The following DLGAP2 variants were observed in gnomAD, a reference collection of about 807,000 sequenced individuals.
DLGAP2 encodes the protein disks large-associated protein 2.
A neutral mutation model predicts 100.3 loss-of-function variants in DLGAP2; 26 were observed. The ratio of observed to expected loss-of-function variants is 0.26; its 90% CI spans 0.19 to 0.36. The LOEUF (loss-of-function observed/expected upper bound fraction) is 0.36. Ranked by LOEUF, DLGAP2 falls within the 10% of genes least tolerant of loss-of-function variation. The pLI is 1.00. For synonymous variants in DLGAP2, 886 were observed against 630.1 expected (o/e 1.41, Z -6.08); for missense variants, 1,858 against 1,453.2 (o/e 1.28, Z -4.53).
At chr8:936,474 C>G (rs1213122229) in intron 2 of DLGAP2, among the ~76,000 whole-genome samples, 1 of 152,194 alleles carries the variant, frequency 6.6e-6, no homozygotes, top group East Asian at 1.9e-4. Flanking sequence ...AGCCGCCTCT[C>G]CCTCTCAGAG....
intron 2 of DLGAP2, among the ~76,000 whole-genome samples, chr8:1,219,955 A>G (rs1798284889): frequency 6.6e-6 from 1 of 151,978 alleles, no homozygotes; most frequent in African/African-American, 2.4e-5. Context: ...AATCAACAGT[A>G]ATATCCCCTT....
intron 8 of DLGAP2, among the ~76,000 whole-genome samples, chr8:1,634,771 G>A (rs887986415): frequency 2.0e-5 from 3 of 152,174 alleles, no homozygotes; most frequent in Non-Finnish European, 4.4e-5. Flanking sequence ...ATTGTTTTTA[G>A]GACTGTCATT....
At chr8:1,086,249 A>AT (rs928565176) in intron 2 of DLGAP2, among the ~76,000 whole-genome samples, 38 of 152,166 alleles carry the variant, frequency 2.5e-4, no homozygotes, top group Non-Finnish European at 4.4e-4. Context: ...TATGTTTTTC[A>AT]TTTTTTTCTG....
At chr8:1,480,586 A>G (rs562234792) in intron 3 of DLGAP2, among the ~76,000 whole-genome samples, 2 of 152,288 alleles carry the variant, frequency 1.3e-5, no homozygotes, top group African/African-American at 4.8e-5. Flanking sequence ...GCAGTGGCTC[A>G]CACCTGTAAT....
At position 1,407,307 on chromosome 8, in the gene DLGAP2, T is replaced by A. The variant is rs370327908; in HGVS notation, c.107-94059T>A. Among the ~76,000 whole-genome samples, 53 of 19,648 alleles carry A rather than the reference T, an allele frequency of 2.7e-3. 2 individuals are homozygous for A. Among genetic ancestry groups the A allele is most frequent in the African/African-American group, 9.8e-3 (16 of 1,640 alleles). 12.9% of individuals were successfully genotyped at this position (19,648 alleles called of 152,430 possible). A position where few individuals can be genotyped will look rare whatever the true frequency, so the allele number is the denominator to read the frequency against. On this transcript the variant is annotated intron_variant, in intron 3 of 14. Transcript: ENST00000637795. ...TCATCCTCCAGAGTCGTGTATTGAG[T>A]GCTTACTGAGCGCTCCCTCCTTGTC...
chr8:1,577,567 CAAAAAAAAA>C (rs10646663), intron 6 of DLGAP2, among the ~76,000 whole-genome samples: 5 of 105,820 alleles, frequency 4.7e-5, no homozygotes, highest in African/African-American at 2.0e-4. Context: ...CACTCTCTCT[CAAAAAAAAA>C]AAAAAAAAAA....
intron 3 of DLGAP2, among the ~76,000 whole-genome samples, chr8:1,360,217 G>C (rs1563104608): frequency 7.1e-6 from 1 of 140,054 alleles, no homozygotes; most frequent in African/African-American, 2.6e-5. Flanking sequence ...GGCTTTTCCG[G>C]GGCGGGGCTT....
intron 2 of DLGAP2, among the ~76,000 whole-genome samples, chr8:959,238 G>C (rs959437006): frequency 6.6e-6 from 1 of 152,226 alleles, no homozygotes; most frequent in Non-Finnish European, 1.5e-5. Context: ...GGAAAGAAGA[G>C]TTGTGTAAGT....
intron 2 of DLGAP2, chr8:927,072 C>G: frequency 1.0e-6 from 1 of 985,406 alleles, no homozygotes; most frequent in African/African-American, 1.7e-5. Flanking sequence ...GGGAGAGATC[C>G]TCGTGGGAGG....
intron 2 of DLGAP2, among the ~76,000 whole-genome samples, chr8:1,017,989 C>A (rs1285658851): frequency 6.6e-6 from 1 of 152,212 alleles, no homozygotes; most frequent in South Asian, 2.1e-4. Flanking sequence ...TACCCCACAA[C>A]CTGAACTATT....
chr8:1,664,547 T>A (rs1275404697), intron 8 of DLGAP2, among the ~76,000 whole-genome samples: 1 of 152,156 alleles, frequency 6.6e-6, no homozygotes, highest in Non-Finnish European at 1.5e-5. Flanking sequence ...CAATGTTGTA[T>A]CCACCAGTGA....
In DLGAP2 at chr8:1,549,400, A is replaced by T. The variant is rs751225110; in HGVS notation, c.947A>T (p.Asn316Ile). The change falls in exon 5 of 15, where the codon AAC (asparagine) becomes ATC (isoleucine). Residue 316 changes from asparagine to isoleucine, a missense_variant. Coordinates refer to ENST00000637795, the MANE Select transcript of DLGAP2 (RefSeq NM_001346810.2). ...DSTYRTPSVL[N>I]RHHLGPVAHC... ...ACCTATCGGACGCCCAGCGTGCTCA[A>T]CCGGCACCACCTGGGCCCCGTGGCC... is the stretch of plus-strand genomic sequence containing the variant. 1.2e-6 allele frequency: 2 copies of T among 1,613,404 alleles called. No individual in the cohort carries two copies. Among genetic ancestry groups the T allele is most frequent in the East Asian group, 2.2e-5 (1 of 44,852 alleles).
At chr8:1,131,166 C>G (rs1003017906) in intron 2 of DLGAP2, among the ~76,000 whole-genome samples, 1 of 152,208 alleles carries the variant, frequency 6.6e-6, no homozygotes, top group Non-Finnish European at 1.5e-5. Flanking sequence ...TTCTCTGGAT[C>G]TTTCAGCTGC....
At chr8:1,365,412 A>T (rs888967273) in intron 3 of DLGAP2, among the ~76,000 whole-genome samples, 4 of 152,112 alleles carry the variant, frequency 2.6e-5, no homozygotes, top group Admixed American at 6.5e-5. Flanking sequence ...CTCCTCTCCA[A>T]CCGTGGAGGG....
chr8:1,567,406 G>T (rs550643182), intron 6 of DLGAP2, among the ~76,000 whole-genome samples: 15 of 152,320 alleles, frequency 9.8e-5, no homozygotes, highest in Non-Finnish European at 1.5e-4. Flanking sequence ...AACAGCCATT[G>T]GTTAACTTCC....
At chr8:1,630,925 GGGT>G (rs1292741640) in intron 7 of DLGAP2, among the ~76,000 whole-genome samples, 2 of 142,542 alleles carry the variant, frequency 1.4e-5, no homozygotes, top group Non-Finnish European at 3.0e-5. Context: ...CGGGAGGTCC[GGGT>G]GTCCCGAGGG....
chr8:881,718 C>A (rs1348617549), intron 1 of DLGAP2, among the ~76,000 whole-genome samples: 8 of 106,204 alleles, frequency 7.5e-5, no homozygotes, highest in South Asian at 2.9e-4. Context: ...AGGGTTTCAC[C>A]ATGTTGGCCA....
chr8:954,794 G>A (rs1295881555), intron 2 of DLGAP2, among the ~76,000 whole-genome samples: 1 of 152,182 alleles, frequency 6.6e-6, no homozygotes, highest in Non-Finnish European at 1.5e-5. Flanking sequence ...TTGTGTCCAG[G>A]AGTCTTTGAG....
At chr8:1,194,475 C>G (rs1055828777) in intron 2 of DLGAP2, among the ~76,000 whole-genome samples, 2 of 152,162 alleles carry the variant, frequency 1.3e-5, no homozygotes, top group African/African-American at 4.8e-5. Context: ...GAGCTTCCCT[C>G]AGTCCCACTT....
Sources: gnomAD v4.1 joint callset for allele counts (sites outside exome capture counted in the v4.1 genomes callset) on GRCh38, gnomAD v4.1.1 for gene constraint, MANE v1.5 for transcripts, NCBI Gene and HGNC (gene_info 2026-07-23, HGNC 2026-07-21) for gene names.